EPHA5: variants seen among roughly 807,000 people sequenced by gnomAD.
EPHA5 encodes ephrin type-A receptor 5.
A neutral mutation model predicts 105.0 loss-of-function variants in EPHA5; 60 were observed. The ratio of observed to expected loss-of-function variants is 0.57; its 90% CI spans 0.46 to 0.71. The LOEUF is 0.71. Ranked by LOEUF, EPHA5 falls within the 30% of genes least tolerant of loss-of-function variation. The pLI is 0.00. For synonymous variants in EPHA5, 513 were observed against 449.1 expected (o/e 1.14, Z -1.80); for missense variants, 1,218 against 1,274.7 (o/e 0.96, Z 0.68).
intron 5 of EPHA5, among the ~76,000 whole-genome samples, chr4:65,449,202 A>T (rs2149103309): frequency 6.6e-6 from 1 of 152,314 alleles, no homozygotes; most frequent in East Asian, 1.9e-4. Flanking sequence ...TTTGTAGAAT[A>T]AACTCAAATG....
At chr4:65,465,516 AAAGAAAGAAAGAAAAGAAAGGAAAGG>A (rs1728580810) in intron 5 of EPHA5, among the ~76,000 whole-genome samples, 7 of 113,538 alleles carry the variant, frequency 6.2e-5, no homozygotes, top group African/African-American at 9.5e-5. Context: ...AGAAAGAAAG[AAAGAAAGAAAGAAAAGAAAGGAAAGG>A]AAGGAAAGGA....
intron 1 of EPHA5, among the ~76,000 whole-genome samples, chr4:65,648,139 G>T (rs1286294671): frequency 6.6e-6 from 1 of 152,072 alleles, no homozygotes; most frequent in African/African-American, 2.4e-5. Flanking sequence ...AGAGCAAAGA[G>T]CAAATAAATA....
intron 2 of EPHA5, among the ~76,000 whole-genome samples, chr4:65,607,487 CAAACAAAA>C (rs983884769): frequency 1.6e-4 from 19 of 115,316 alleles, no homozygotes; most frequent in African/African-American, 3.4e-4. Context: ...AACAAACAAA[CAAACAAAA>C]AAAAAAACAT....
intron 2 of EPHA5, among the ~76,000 whole-genome samples, chr4:65,627,823 T>C (rs1039849963): frequency 6.6e-6 from 1 of 152,202 alleles, no homozygotes; most frequent in Non-Finnish European, 1.5e-5. Flanking sequence ...AGTCTAACTA[T>C]GAAATAATTC....
chr4:65,377,058 C>CA, intron 8 of EPHA5: 1 of 1,608,390 alleles, frequency 6.2e-7, no homozygotes, highest in Non-Finnish European at 8.5e-7. Flanking sequence ...GCCACATTCG[C>CA]AGCAACTGAA....
At chr4:65,338,378 A>C (rs929410945) in intron 14 of EPHA5, among the ~76,000 whole-genome samples, 7 of 152,134 alleles carry the variant, frequency 4.6e-5, no homozygotes, top group African/African-American at 1.4e-4. Flanking sequence ...CAGTGAGAAT[A>C]GTAATTCTTA....
At position 65,595,286 on chromosome 4, in the gene EPHA5, T is replaced by C. The variant is rs537273545; in HGVS notation, c.910+6355A>G. The stretch of plus-strand genomic sequence containing the variant: ...TTGTATGTATATATGTCCACATTCC[T>C]AGGATACAGGAATTCTATAGGCTGG... On this transcript the variant is annotated intron_variant, in intron 3 of 16. Transcript: ENST00000613740. Among the ~76,000 whole-genome samples the C allele has an allele frequency of 3.9e-5, 6 of 152,242 alleles. No individual in the cohort carries two copies. The South Asian group carries it at 8.3e-4, about 21-fold the overall frequency.
intron 3 of EPHA5, among the ~76,000 whole-genome samples, chr4:65,522,316 G>GTATATATATATATATATACACATATA (rs58851174): frequency 3.5e-5 from 5 of 142,860 alleles, no homozygotes; most frequent in African/African-American, 1.3e-4. Context: ...ATATATATAT[G>GTATATATATATATATATACACATATA]TATATATATA....
At chr4:65,434,676 TCC>T (rs1725304412) in intron 5 of EPHA5, among the ~76,000 whole-genome samples, 1 of 152,076 alleles carries the variant, frequency 6.6e-6, no homozygotes, top group African/African-American at 2.4e-5. Flanking sequence ...ATTCATCACT[TCC>T]CTTTTACATA....
intron 5 of EPHA5, among the ~76,000 whole-genome samples, chr4:65,430,070 G>T (rs564438437): frequency 6.6e-6 from 1 of 152,116 alleles, no homozygotes; most frequent in African/African-American, 2.4e-5. Context: ...AATGTTACCA[G>T]ATATTTAATT....
At position 65,353,078 on chromosome 4, in the gene EPHA5, C is replaced by T. The variant is rs374791567; in HGVS notation, c.2199G>A (p.Glu733=). ...TKSKPVMIVT[E]YMENGSLDTF... ...TATCTAAAGAGCCATTCTCCATATA[C>T]TCTGTCACGATCATCACTGGTTTAC... Residue 733 remains glutamate, a synonymous_variant, in exon 12 of 17, where the codon GAG becomes GAA. Transcript: ENST00000613740. The T allele has an allele frequency of 1.2e-5, 19 of 1,565,156 alleles. No homozygotes were observed. The highest frequency in any genetic ancestry group is 1.6e-5 in the Non-Finnish European group (18 of 1,157,844).
At position 65,513,762 on chromosome 4, in the gene EPHA5, T is replaced by A. The variant is rs912522459; in HGVS notation, c.911-18219A>T. On this transcript the variant is annotated intron_variant, in intron 3 of 16. Transcript: ENST00000613740. ...AGTCTTCTGAAGTTCTACCATTTTT[T>A]ATATTTATCTTATTTAAAAAAACGT... is the stretch of plus-strand genomic sequence containing the variant. Among the ~76,000 whole-genome samples, 7 of 152,202 alleles carry A rather than the reference T, an allele frequency of 4.6e-5. No homozygotes were observed. In the East Asian group the frequency reaches 1.3e-3, roughly 29 times the overall value.
chr4:65,387,335 G>A (rs1480856658), intron 8 of EPHA5, among the ~76,000 whole-genome samples: 1 of 151,844 alleles, frequency 6.6e-6, no homozygotes, highest in Non-Finnish European at 1.5e-5. Flanking sequence ...AAACTGATAG[G>A]AACAAATGGG....
At chr4:65,472,727 GCCTGGCCCACAAAA>G (rs147923417) in intron 5 of EPHA5, among the ~76,000 whole-genome samples, 32,381 of 151,888 alleles carry the variant, frequency 0.21, 4,325 homozygotes, top group Middle Eastern at 0.36. Flanking sequence ...GGGCCCCTGG[GCCTGGCCCACAAAA>G]CCTGGCCCAC....
At chr4:65,359,309 A>G (rs555429486) in intron 11 of EPHA5, among the ~76,000 whole-genome samples, 1 of 151,748 alleles carries the variant, frequency 6.6e-6, no homozygotes, top group Admixed American at 6.6e-5. Flanking sequence ...TATGTATATC[A>G]TTGTTTATAA....
intron 3 of EPHA5, among the ~76,000 whole-genome samples, chr4:65,577,588 T>G (rs1306046576): frequency 6.6e-6 from 1 of 152,164 alleles, no homozygotes; most frequent in East Asian, 1.9e-4. Flanking sequence ...CTAATTTACT[T>G]ATTATTCCTT....
Position 65,329,638 on chromosome 4 carries a change from A to G in EPHA5, c.2945+2335T>C, listed in dbSNP as rs186460840. Reference sequence around the variant, plus strand: ...CAGCTTCTACTATCTTCTGACAATAACTCTAAGAATTATATTTTATTATTT... The same window carrying G: ...CAGCTTCTACTATCTTCTGACAATAGCTCTAAGAATTATATTTTATTATTT... On this transcript the variant is annotated intron_variant, in intron 16 of 16. Coordinates refer to ENST00000613740, the MANE Select transcript of EPHA5 (RefSeq NM_001281766.3). 1.9e-3 allele frequency among the ~76,000 whole-genome samples: 291 copies of G among 151,366 alleles called. 2 individuals are homozygous for G. The highest frequency in any genetic ancestry group is 2.4e-3 in the Non-Finnish European group (162 of 67,528).
At chr4:65,378,177 T>C (rs1419141807) in intron 8 of EPHA5, among the ~76,000 whole-genome samples, 1 of 151,958 alleles carries the variant, frequency 6.6e-6, no homozygotes. Context: ...TGACAATATT[T>C]TAATTTGTAG....
chr4:65,596,943 G>T (rs1424868874), intron 3 of EPHA5, among the ~76,000 whole-genome samples: 2 of 152,058 alleles, frequency 1.3e-5, no homozygotes, highest in Non-Finnish European at 2.9e-5. Flanking sequence ...AGCCAATTTT[G>T]CTTCAATCAT....
Sources: gnomAD v4.1 joint callset for allele counts (sites outside exome capture counted in the v4.1 genomes callset) on GRCh38, gnomAD v4.1.1 for gene constraint, MANE v1.5 for transcripts, NCBI Gene and HGNC (gene_info 2026-07-23, HGNC 2026-07-21) for gene names.